Variants in ARHGEF3 observed in about 807,000 individuals in gnomAD.
ARHGEF3 encodes the protein 59.8 kDA protein.
ARHGEF3 carries 28 observed loss-of-function variants against 63.2 expected under a neutral mutation model. The observed-to-expected ratio is 0.44, with a 90% CI of 0.33 to 0.61. ARHGEF3 has a LOEUF of 0.61. Ranked by LOEUF, ARHGEF3 falls within the 20% of genes least tolerant of loss-of-function variation. The probability of loss-of-function intolerance (pLI) is 0.03; values close to 1 mark genes in which losing one functional copy is unlikely to be tolerated. For missense variants in ARHGEF3, 533 were observed against 659.3 expected, an observed-to-expected ratio of 0.81 and a Z score of 2.10; for synonymous variants, 266 against 254.2, an observed-to-expected ratio of 1.05 and a Z score of -0.44.
At chr3:56,743,246 G>A (rs1326059605) in intron 7 of ARHGEF3, among the ~76,000 whole-genome samples, 1 of 152,232 alleles carries the variant, frequency 6.6e-6, no homozygotes, top group Non-Finnish European at 1.5e-5. Context: ...TGAATCAGAA[G>A]AGGGTCCTTT....
At chr3:57,074,044 G>A (rs1355249278) in intron 1 of ARHGEF3, 2 of 1,614,238 alleles carry the variant, frequency 1.2e-6, no homozygotes, top group Non-Finnish European at 1.7e-6. Flanking sequence ...CAGCAAGGCA[G>A]TTGTGAGCAA....
chr3:57,074,230 C>G, intron 1 of ARHGEF3: 1 of 1,613,936 alleles, frequency 6.2e-7, no homozygotes, highest in Non-Finnish European at 8.5e-7. Context: ...TCCCTCTCTA[C>G]AGTATACTCC....
chr3:56,983,124 T>C (rs1376409599), intron 2 of ARHGEF3, among the ~76,000 whole-genome samples: 1 of 152,220 alleles, frequency 6.6e-6, no homozygotes, highest in Non-Finnish European at 1.5e-5. Flanking sequence ...ACTGCTGGTA[T>C]ATTTTATATG....
At chr3:57,026,379 T>G (rs1194379437) in intron 2 of ARHGEF3, among the ~76,000 whole-genome samples, 1 of 152,164 alleles carries the variant, frequency 6.6e-6, no homozygotes, top group African/African-American at 2.4e-5. Flanking sequence ...CCAGCCTGGA[T>G]GACAGAGCGA....
At chr3:57,053,813 C>T (rs897371613) in intron 1 of ARHGEF3, among the ~76,000 whole-genome samples, 2 of 152,152 alleles carry the variant, frequency 1.3e-5, no homozygotes, top group East Asian at 1.9e-4. Context: ...AAGTTTTATC[C>T]GCGTTGTGGC....
intron 3 of ARHGEF3, among the ~76,000 whole-genome samples, chr3:56,933,667 C>T (rs553446137): frequency 2.0e-5 from 3 of 152,248 alleles, no homozygotes; most frequent in South Asian, 2.1e-4. Context: ...AGGGTTCACC[C>T]GCCTTGGCCT....
intron 1 of ARHGEF3, among the ~76,000 whole-genome samples, chr3:56,788,496 TCTAG>T (rs1286755869): frequency 2.6e-5 from 4 of 152,196 alleles, no homozygotes; most frequent in Non-Finnish European, 5.9e-5. Flanking sequence ...TTTTTAGTTG[TCTAG>T]CTCTTTACCA....
chr3:56,834,744 T>C (rs1384910444), intron 4 of ARHGEF3, among the ~76,000 whole-genome samples: 1 of 104,252 alleles, frequency 9.6e-6, no homozygotes, highest in Non-Finnish European at 1.9e-5. Context: ...GACTCTGACT[T>C]ACAAAAAAAA....
intron 1 of ARHGEF3, among the ~76,000 whole-genome samples, chr3:56,780,454 C>T (rs552808295): frequency 7.0e-4 from 106 of 152,326 alleles, no homozygotes; most frequent in African/African-American, 2.4e-3. Flanking sequence ...AACCACAGTA[C>T]ATTTATCAAA....
intron 6 of ARHGEF3, among the ~76,000 whole-genome samples, chr3:56,749,290 G>A (rs1295921928): frequency 1.3e-5 from 2 of 152,174 alleles, no homozygotes; most frequent in East Asian, 1.9e-4. Flanking sequence ...GAAAATGACT[G>A]CAAAGCTGCT....
chr3:56,926,361 G>C (rs2042275228), intron 3 of ARHGEF3, among the ~76,000 whole-genome samples: 1 of 152,212 alleles, frequency 6.6e-6, no homozygotes, highest in South Asian at 2.1e-4. Flanking sequence ...GCAGGAAATG[G>C]GGAACCAGGG....
chr3:56,851,710 G>A (rs920477219), intron 4 of ARHGEF3, among the ~76,000 whole-genome samples: 1 of 150,582 alleles, frequency 6.6e-6, no homozygotes, highest in African/African-American at 2.5e-5. Context: ...AAAACAATTT[G>A]TTTTTAAACT....
At chr3:56,833,734 T>G (rs2039006405) in intron 4 of ARHGEF3, among the ~76,000 whole-genome samples, 1 of 152,208 alleles carries the variant, frequency 6.6e-6, no homozygotes, top group African/African-American at 2.4e-5. Context: ...GATCACAGAA[T>G]ATGCACATTT....
intron 2 of ARHGEF3, among the ~76,000 whole-genome samples, chr3:57,013,081 G>A (rs762808579): frequency 2.4e-4 from 37 of 152,302 alleles, no homozygotes; most frequent in Non-Finnish European, 3.4e-4. Flanking sequence ...TCGAATTCTC[G>A]CTGGGCCTCA....
At chr3:56,967,552 C>T (rs1315555479) in intron 2 of ARHGEF3, among the ~76,000 whole-genome samples, 1 of 77,238 alleles carries the variant, frequency 1.3e-5, no homozygotes, top group Non-Finnish European at 2.2e-5. Context: ...ATATTATGTA[C>T]ATTATATAAT....
intron 1 of ARHGEF3, among the ~76,000 whole-genome samples, chr3:56,779,096 C>T (rs940182415): frequency 6.6e-6 from 1 of 152,174 alleles, no homozygotes; most frequent in Admixed American, 6.5e-5. Context: ...ATGGCATAAG[C>T]TTGATTTGCA....
intron 3 of ARHGEF3, among the ~76,000 whole-genome samples, chr3:56,886,923 C>T (rs2108270622): frequency 6.6e-6 from 1 of 152,230 alleles, no homozygotes; most frequent in Non-Finnish European, 1.5e-5. Flanking sequence ...ACCATGCTGT[C>T]CCGTCCCAGA....
chr3:57,064,175 C>T (rs1579200196), intron 1 of ARHGEF3, among the ~76,000 whole-genome samples: 1 of 152,090 alleles, frequency 6.6e-6, no homozygotes, highest in Non-Finnish European at 1.5e-5. Context: ...AAGCTGAGGT[C>T]AGAGGATTGC....
chr3:57,040,400 C>T (rs548801664), intron 1 of ARHGEF3, among the ~76,000 whole-genome samples: 19 of 151,842 alleles, frequency 1.3e-4, no homozygotes, highest in African/African-American at 4.6e-4. Context: ...TCACTTGAAC[C>T]CAGGAGATGG....
Sources: gnomAD v4.1 joint callset for allele counts (sites outside exome capture counted in the v4.1 genomes callset) on GRCh38, gnomAD v4.1.1 for gene constraint, MANE v1.5 for transcripts, NCBI Gene and HGNC (gene_info 2026-07-23, HGNC 2026-07-21) for gene names.